The following ADCY8 variants were observed in gnomAD, a reference collection of about 807,000 sequenced individuals.
The protein encoded by ADCY8 is adenylate cyclase type 8.
A neutral mutation model predicts 119.7 loss-of-function variants in ADCY8; 51 were observed. The ratio of observed to expected loss-of-function variants is 0.43; its 90% confidence interval spans 0.34 to 0.54. The LOEUF is 0.54. ADCY8 is among the 20% of genes least tolerant of loss of function. ADCY8 has a pLI of 0.03. For synonymous variants in ADCY8, 665 were observed against 651.0 expected, an observed-to-expected ratio of 1.02 and a Z score of -0.33; for missense variants, 1,383 against 1,598.8, an observed-to-expected ratio of 0.87 and a Z score of 2.30.
chr8:130,845,969 A>G (rs2130297441), intron 11 of ADCY8, among the ~76,000 whole-genome samples: 1 of 152,294 alleles, frequency 6.6e-6, no homozygotes, highest in East Asian at 1.9e-4. Flanking sequence ...TATCTATAAG[A>G]CGGAGACAGT....
chr8:131,037,028 A>G (rs1824177385), intron 1 of ADCY8, among the ~76,000 whole-genome samples: 2 of 152,182 alleles, frequency 1.3e-5, no homozygotes, highest in South Asian at 4.1e-4. Flanking sequence ...GATTCTTATA[A>G]AAAGCGATTT....
intron 15 of ADCY8, among the ~76,000 whole-genome samples, chr8:130,787,527 C>A (rs1815284988): frequency 6.6e-6 from 1 of 151,520 alleles, no homozygotes; most frequent in African/African-American, 2.4e-5. Flanking sequence ...GCATGTGTGT[C>A]CACCTGCATA....
chr8:130,922,353 G>GCGGCCTTC (rs1820337371), intron 5 of ADCY8, among the ~76,000 whole-genome samples: 1 of 151,400 alleles, frequency 6.6e-6, no homozygotes, highest in African/African-American at 2.4e-5. Flanking sequence ...AGAGGACCCT[G>GCGGCCTTC]CGGCCTTCCG....
At chr8:130,919,229 C>T (rs1820225584) in intron 5 of ADCY8, among the ~76,000 whole-genome samples, 1 of 152,098 alleles carries the variant, frequency 6.6e-6, no homozygotes, top group Non-Finnish European at 1.5e-5. Flanking sequence ...AGACACTTAA[C>T]AGTTACAGGC....
chr8:130,899,674 G>T (rs890639122), intron 7 of ADCY8, among the ~76,000 whole-genome samples: 1 of 151,930 alleles, frequency 6.6e-6, no homozygotes, highest in African/African-American at 2.4e-5. Context: ...TTCATTACTG[G>T]ATCCTCAGTA....
At chr8:130,917,037 T>C (rs1437757431) in intron 5 of ADCY8, among the ~76,000 whole-genome samples, 3 of 152,200 alleles carry the variant, frequency 2.0e-5, no homozygotes, top group Non-Finnish European at 2.9e-5. Context: ...TCCCAATTCA[T>C]GTTCTCATTT....
intron 1 of ADCY8, among the ~76,000 whole-genome samples, chr8:131,033,746 C>G (rs550026374): frequency 1.3e-5 from 2 of 151,698 alleles, no homozygotes; most frequent in East Asian, 3.9e-4. Flanking sequence ...AAAGCCCATT[C>G]TCCACCAACA....
intron 2 of ADCY8, among the ~76,000 whole-genome samples, chr8:130,980,976 AC>A (rs1174988044): frequency 6.6e-6 from 1 of 152,008 alleles, no homozygotes; most frequent in African/African-American, 2.4e-5. Context: ...TTTCAAGTCT[AC>A]CCCCCACGTC....
chr8:130,957,744 A>G (rs1380287988), intron 2 of ADCY8, among the ~76,000 whole-genome samples: 1 of 152,228 alleles, frequency 6.6e-6, no homozygotes, highest in African/African-American at 2.4e-5. Flanking sequence ...TGTGGCTGAA[A>G]GGGGTCAATG....
At chr8:130,920,527 G>T (rs1471052683) in intron 5 of ADCY8, among the ~76,000 whole-genome samples, 1 of 152,150 alleles carries the variant, frequency 6.6e-6, no homozygotes, top group South Asian at 2.1e-4. Flanking sequence ...TTACTAAGTT[G>T]GTGCAAAAGT....
rs754714304 is a variant in ADCY8 at position 130,937,194 on chromosome 8, G to A, written c.1360C>T (p.His454Tyr). The A allele has an allele frequency of 6.2e-7, 1 of 1,613,460 alleles. No individual in the cohort carries two copies. Among genetic ancestry groups the A allele is most frequent in the Admixed American group, 1.7e-5 (1 of 59,922 alleles). Residue 454 changes from histidine (H) to tyrosine (Y), a missense_variant, in exon 5 of 18, where the codon CAC (histidine) becomes TAC (tyrosine). This residue lies in a region of ADCY8 where 928 missense variants were observed against 1,163.5 expected (regional missense o/e 0.80). Transcript: ENST00000286355. The part of the protein sequence containing the change: ...ARFDRLAHEH[H>Y]CLRIKILGDC... ...CCCAGGATTTTAATACGAAGGCAGTGATGCTCCTGGAAGGAACAGGATAAG... is the reference window on the plus strand; with the variant it reads ...CCCAGGATTTTAATACGAAGGCAGTAATGCTCCTGGAAGGAACAGGATAAG...
chr8:130,855,159 G>C (rs1400351878), intron 9 of ADCY8, among the ~76,000 whole-genome samples: 1 of 149,960 alleles, frequency 6.7e-6, no homozygotes, highest in Non-Finnish European at 1.5e-5. Flanking sequence ...TGCTTTGGGG[G>C]CTAAGAATTA....
At chr8:131,006,148 C>T (rs188043293) in intron 1 of ADCY8, among the ~76,000 whole-genome samples, 9 of 152,300 alleles carry the variant, frequency 5.9e-5, no homozygotes, top group African/African-American at 2.2e-4. Flanking sequence ...ATCTTTTAGG[C>T]TGTCCCCCTC....
chr8:130,902,675 GCAGA>G (rs1819641622), intron 7 of ADCY8, among the ~76,000 whole-genome samples: 1 of 152,044 alleles, frequency 6.6e-6, no homozygotes, highest in Non-Finnish European at 1.5e-5. Context: ...ATTTTTTTAG[GCAGA>G]CAGATTTTTC....
chr8:130,883,530 T>G (rs1818860571), intron 8 of ADCY8, among the ~76,000 whole-genome samples: 2 of 152,206 alleles, frequency 1.3e-5, no homozygotes, highest in Admixed American at 6.5e-5. Context: ...ATGCTGTATG[T>G]GCACAGAATT....
intron 7 of ADCY8, among the ~76,000 whole-genome samples, chr8:130,897,948 ACACACCACAC>A (rs61064533): frequency 0.013 from 1,936 of 151,634 alleles, 43 homozygotes; most frequent in African/African-American, 0.045. Flanking sequence ...TACACATAAC[ACACACCACAC>A]CACACCACAC....
chr8:131,010,628 A>T (rs77368910), intron 1 of ADCY8, among the ~76,000 whole-genome samples: 3,286 of 152,328 alleles, frequency 0.022, 140 homozygotes, highest in African/African-American at 0.073. Context: ...AAAGCACTTT[A>T]AATAATTCCA....
intron 1 of ADCY8, among the ~76,000 whole-genome samples, chr8:131,033,161 G>T (rs1019197683): frequency 6.6e-6 from 1 of 152,156 alleles, no homozygotes; most frequent in African/African-American, 2.4e-5. Context: ...GATGAATGTT[G>T]CAAGTGTCTC....
chr8:130,934,608 T>C (rs1820731461), intron 5 of ADCY8, among the ~76,000 whole-genome samples: 2 of 152,200 alleles, frequency 1.3e-5, no homozygotes, highest in South Asian at 4.1e-4. Context: ...TTATTACAAT[T>C]CATCCTAGTT....
Sources: gnomAD v4.1 joint callset for allele counts (sites outside exome capture counted in the v4.1 genomes callset) on GRCh38, gnomAD v4.1.1 for gene constraint, gnomAD v4.1.1 regional missense constraint, MANE v1.5 for transcripts, NCBI Gene and HGNC (gene_info 2026-07-23, HGNC 2026-07-21) for gene names.